AUTS2: variants seen among roughly 807,000 people sequenced by gnomAD.
AUTS2 encodes activator of transcription and developmental regulator AUTS2, also known as autism susceptibility gene 2 protein.
In AUTS2, 17 loss-of-function variants were observed where a neutral mutation model predicts 112.4. That is an observed-to-expected ratio of 0.15 (90% CI 0.10 to 0.23). The LOEUF (loss-of-function observed/expected upper bound fraction) is 0.23. Ranked by LOEUF, AUTS2 falls within the 10% of genes least tolerant of loss-of-function variation. The pLI is 1.00. For synonymous variants in AUTS2, 751 were observed against 702.7 expected, an observed-to-expected ratio of 1.07 and a Z score of -1.09; for missense variants, 1,510 against 1,701.6, an observed-to-expected ratio of 0.89 and a Z score of 1.98.
chr7:69,647,505 C>T (rs974990310), intron 1 of AUTS2, among the ~76,000 whole-genome samples: 4 of 152,128 alleles, frequency 2.6e-5, no homozygotes, highest in African/African-American at 9.7e-5. Context: ...CAGGCATGCA[C>T]CAGCACACCT....
At chr7:70,085,638 A>AT (rs1354829799) in intron 2 of AUTS2, among the ~76,000 whole-genome samples, 3 of 152,204 alleles carry the variant, frequency 2.0e-5, no homozygotes, top group Non-Finnish European at 4.4e-5. Context: ...AAGAGCTGGG[A>AT]TTACAGGCAT....
rs1808061274 is a variant in AUTS2, at chr7:70,678,848, G to A, written c.691-19721G>A. 2.0e-5 allele frequency among the ~76,000 whole-genome samples: 3 copies of A among 152,292 alleles called. No homozygotes were observed. The South Asian group carries it at 6.2e-4, about 32-fold the overall frequency. ...TCACCAGTCCTGAAGGCAACAGAAGGCAGAAGAGAGGCCCAAGTGTGTGCA... is the reference window on the plus strand; with the variant it reads ...TCACCAGTCCTGAAGGCAACAGAAGACAGAAGAGAGGCCCAAGTGTGTGCA... On this transcript the variant is annotated intron_variant, in intron 5 of 18. Coordinates refer to ENST00000342771, the MANE Select transcript of AUTS2 (RefSeq NM_015570.4).
At chr7:69,614,328 C>CTTTCTTTCTTTCTTTCT (rs1793213066) in intron 1 of AUTS2, among the ~76,000 whole-genome samples, 1 of 57,048 alleles carries the variant, frequency 1.8e-5, no homozygotes, top group Non-Finnish European at 3.9e-5. Context: ...TTCTTTCTTT[C>CTTTCTTTCTTTCTTTCT]TTTCTTTCTT....
At chr7:70,278,654 T>G (rs1463196660) in intron 4 of AUTS2, among the ~76,000 whole-genome samples, 1 of 152,128 alleles carries the variant, frequency 6.6e-6, no homozygotes, top group Non-Finnish European at 1.5e-5. Context: ...TGCATACAAA[T>G]GAGGATTCAC....
chr7:70,636,243 A>C (rs1388717809), intron 5 of AUTS2, among the ~76,000 whole-genome samples: 1 of 152,200 alleles, frequency 6.6e-6, no homozygotes, highest in East Asian at 1.9e-4. Flanking sequence ...ACTCTAAGGC[A>C]GCATGTTCTC....
At chr7:69,868,466 A>G (rs1793336516) in intron 1 of AUTS2, among the ~76,000 whole-genome samples, 1 of 152,192 alleles carries the variant, frequency 6.6e-6, no homozygotes, top group Non-Finnish European at 1.5e-5. Context: ...AAGACAGTAA[A>G]TTCTTGATTG....
intron 1 of AUTS2, among the ~76,000 whole-genome samples, chr7:69,676,274 T>C (rs1057163289): frequency 4.6e-5 from 7 of 152,220 alleles, no homozygotes; most frequent in Admixed American, 4.6e-4. Flanking sequence ...GCCCTGAGAC[T>C]ACCTAGGGTG....
At chr7:69,712,478 T>C (rs1265233993) in intron 1 of AUTS2, among the ~76,000 whole-genome samples, 5 of 152,182 alleles carry the variant, frequency 3.3e-5, no homozygotes, top group African/African-American at 4.8e-5. Flanking sequence ...TCTCATATAG[T>C]ATGTACTGTT....
At chr7:70,775,132 AG>A (rs1397053942) in intron 12 of AUTS2, 2 of 568,766 alleles carry the variant, frequency 3.5e-6, no homozygotes, top group Non-Finnish European at 6.2e-6. Flanking sequence ...AAACTTGTAC[AG>A]GGGCTTGTCA....
intron 5 of AUTS2, among the ~76,000 whole-genome samples, chr7:70,583,483 T>G (rs1044976974): frequency 1.3e-5 from 2 of 152,196 alleles, no homozygotes; most frequent in African/African-American, 4.8e-5. Flanking sequence ...GTTTTCTAAG[T>G]AGCCAGTCGT....
At chr7:69,714,907 A>ATG (rs1798527687) in intron 1 of AUTS2, among the ~76,000 whole-genome samples, 1 of 151,104 alleles carries the variant, frequency 6.6e-6, no homozygotes, top group African/African-American at 2.4e-5. Flanking sequence ...AGCATACTTT[A>ATG]TATATATATA....
rs375445373 is a variant in AUTS2 at position 70,791,024 on chromosome 7, G to T, written c.*28G>T. 3 of 1,473,884 alleles carry T rather than the reference G, an allele frequency of 2.0e-6. No individual in the cohort carries two copies. The highest frequency in any genetic ancestry group is 2.8e-5 in the African/African-American group (2 of 70,834). The allele number at this position is 1,473,884 out of a possible 1,614,324, so 91.3% of individuals were successfully genotyped here. A position where few individuals can be genotyped will look rare whatever the true frequency, so the allele number is the denominator to read the frequency against. On this transcript the variant is annotated 3_prime_UTR_variant, in exon 19 of 19. Coordinates refer to ENST00000342771, the MANE Select transcript of AUTS2 (RefSeq NM_015570.4). Reference sequence around the variant, plus strand: ...CGAGAACAGGAGCAAGAACGAGGAAGAAGAAACCCTAGGCAGACACCAGGC... The same window carrying T: ...CGAGAACAGGAGCAAGAACGAGGAATAAGAAACCCTAGGCAGACACCAGGC...
In AUTS2 at chr7:69,895,477, T is replaced by C. The variant is rs148182967; in HGVS notation, c.310-3809T>C. Reference sequence around the variant, plus strand: ...TACATAATAAAAAGTTGTTATAGACTCTTCATTTCTTCTTACCTCTTAAGC... The same window carrying C: ...TACATAATAAAAAGTTGTTATAGACCCTTCATTTCTTCTTACCTCTTAAGC... On this transcript the variant is annotated intron_variant, in intron 1 of 18. Transcript: ENST00000342771. 7.4e-4 allele frequency among the ~76,000 whole-genome samples: 113 copies of C among 152,164 alleles called. 1 individual carries two copies. Among genetic ancestry groups the C allele is most frequent in the African/African-American group, 2.6e-3 (107 of 41,526 alleles).
At chr7:69,890,031 T>A (rs1037323196) in intron 1 of AUTS2, among the ~76,000 whole-genome samples, 3 of 152,212 alleles carry the variant, frequency 2.0e-5, no homozygotes, top group Non-Finnish European at 1.5e-5. Context: ...AATTTTTTTT[T>A]TAAGGTTTCC....
chr7:70,761,772 A>G (rs1303031337), intron 6 of AUTS2, among the ~76,000 whole-genome samples: 4 of 152,112 alleles, frequency 2.6e-5, no homozygotes, highest in African/African-American at 9.7e-5. Context: ...AGGAGCAGCT[A>G]TTTTCTATAT....
At chr7:70,385,694 C>T (rs1326469409) in intron 4 of AUTS2, among the ~76,000 whole-genome samples, 1 of 152,014 alleles carries the variant, frequency 6.6e-6, no homozygotes, top group Non-Finnish European at 1.5e-5. Flanking sequence ...AATGCTGGCA[C>T]CACTGCACTC....
chr7:70,278,245 T>C (rs929002248), intron 4 of AUTS2, among the ~76,000 whole-genome samples: 1 of 152,172 alleles, frequency 6.6e-6, no homozygotes, highest in Non-Finnish European at 1.5e-5. Flanking sequence ...TGTTTGTACA[T>C]AATAGTAGTA....
At chr7:69,763,201 G>A (rs1168733195) in intron 1 of AUTS2, among the ~76,000 whole-genome samples, 1 of 152,204 alleles carries the variant, frequency 6.6e-6, no homozygotes, top group Non-Finnish European at 1.5e-5. Context: ...CCTCAGCATA[G>A]TTGAATAGTA....
At chr7:70,680,087 G>A (rs12669117) in intron 5 of AUTS2, among the ~76,000 whole-genome samples, 21,788 of 152,146 alleles carry the variant, frequency 0.14, 1,796 homozygotes, top group East Asian at 0.34. Context: ...CATTTCATTG[G>A]CTTATCAGGA....
Sources: allele counts gnomAD v4.1 joint callset (sites outside exome capture counted in the v4.1 genomes callset), GRCh38; gene constraint gnomAD v4.1.1; transcripts MANE v1.5; gene names NCBI Gene and HGNC (gene_info 2026-07-23, HGNC 2026-07-21).